Variants in PTPRC observed in about 807,000 individuals in gnomAD.
PTPRC encodes the protein receptor-type tyrosine-protein phosphatase C.
PTPRC carries 44 observed loss-of-function variants against 155.9 expected under a neutral mutation model. The observed-to-expected ratio is 0.28, with a 90% CI of 0.22 to 0.36. The LOEUF (loss-of-function observed/expected upper bound fraction) is 0.36, where lower values mean the gene tolerates loss of function less well. Among genes scored for constraint, PTPRC ranks in the 10% least tolerant of loss-of-function variants. The pLI is 1.00. For missense variants in PTPRC, 1,401 were observed against 1,564.6 expected (o/e 0.90, Z 1.76); for synonymous variants, 525 against 533.1 (o/e 0.98, Z 0.21).
intron 6 of PTPRC, 52 bp downstream of exon 6, chr1:198,702,582 A>G (rs766440780): frequency 6.2e-7 from 1 of 1,601,604 alleles, no homozygotes; most frequent in Admixed American, 1.7e-5. Flanking sequence ...ATGAAATGGA[A>G]ACTCAAAACT....
At position 198,741,972 on chromosome 1, in the gene PTPRC, G is replaced by A; in HGVS notation, c.2507G>A (p.Arg836Lys). ...CCTCACTTGCTCCTCAAACTGAGAA[G>A]GAGAGTGAATGCCTTCAGCAATTTC... The part of the protein sequence containing the change: ...EDPHLLLKLR[R>K]RVNAFSNFFS... Residue 836 changes from arginine to lysine, a missense_variant, in exon 24 of 33, where the codon AGG (arginine) becomes AAG (lysine). By Grantham distance (26) the Arg-to-Lys change is conservative. This residue lies in a region of PTPRC where 134 missense variants were observed against 204.7 expected (regional missense o/e 0.65). Transcript: ENST00000442510. 1.9e-6 allele frequency: 3 copies of A among 1,612,092 alleles called. 1 individual carries two copies. The highest frequency in any genetic ancestry group is 2.2e-5 in the South Asian group (2 of 91,032).
intron 2 of PTPRC, among the ~76,000 whole-genome samples, chr1:198,670,048 G>A (rs1452741484): frequency 1.3e-5 from 2 of 152,158 alleles, no homozygotes; most frequent in Non-Finnish European, 2.9e-5. Context: ...AATGAAGCAT[G>A]TAAGTATTAC....
At chr1:198,733,490 G>T (rs1654489548) in intron 20 of PTPRC, among the ~76,000 whole-genome samples, 1 of 151,726 alleles carries the variant, frequency 6.6e-6, no homozygotes, top group African/African-American at 2.4e-5. Context: ...GAATTCTTGT[G>T]ACCCATGTTT....
intron 8 of PTPRC, among the ~76,000 whole-genome samples, chr1:198,705,487 C>T (rs1027179857): frequency 3.4e-5 from 5 of 145,584 alleles, no homozygotes; most frequent in Middle Eastern, 3.2e-3. Flanking sequence ...GTGGTACAAT[C>T]TCAGCTTACT....
intron 2 of PTPRC, among the ~76,000 whole-genome samples, chr1:198,688,621 C>T (rs1439863274): frequency 6.6e-6 from 1 of 152,176 alleles, no homozygotes; most frequent in Non-Finnish European, 1.5e-5. Flanking sequence ...ATTCACTCAG[C>T]ACATTGTGAT....
chr1:198,756,187 G>GAC lies in PTPRC; in HGVS notation c.*8_*9dup, dbSNP rs1558043705. On this transcript the variant is annotated 3_prime_UTR_variant, in exon 33 of 33. Transcript: ENST00000442510. Reference sequence around the variant, plus strand: ...CTTTAAATCAAGGTTCATAGGAAAAGACATAAATGAGGAAACTCCAAACCT... The same window carrying GAC: ...CTTTAAATCAAGGTTCATAGGAAAAGACACATAAATGAGGAAACTCCAAACCT... 6.2e-7 allele frequency: 1 copy of GAC among 1,612,796 alleles called. No homozygotes were observed. Among genetic ancestry groups the GAC allele is most frequent in the South Asian group, 1.1e-5 (1 of 91,064 alleles).
At chr1:198,662,966 A>C (rs1664065670) in intron 2 of PTPRC, among the ~76,000 whole-genome samples, 1 of 152,094 alleles carries the variant, frequency 6.6e-6, no homozygotes, top group African/African-American at 2.4e-5. Context: ...CACATGTGGG[A>C]GGGAGGAGCT....
intron 13 of PTPRC, 95 bp from the exon 14 acceptor site, chr1:198,717,995 TAACA>T (rs1653678543): frequency 9.8e-7 from 1 of 1,015,528 alleles, no homozygotes; most frequent in South Asian, 1.4e-5. Context: ...ACCCCCAAGC[TAACA>T]CTTAAAATAC....
intron 13 of PTPRC, among the ~76,000 whole-genome samples, 200 bp downstream of exon 13, chr1:198,717,040 A>G (rs1653627219): frequency 6.6e-6 from 1 of 152,224 alleles, no homozygotes; most frequent in African/African-American, 2.4e-5. Flanking sequence ...AGATATAGTC[A>G]TAGAATTTTA....
chr1:198,714,279 T>A lies in PTPRC; in HGVS notation c.1291+1207T>A, dbSNP rs1653456689. ...ACACTCTCTCTACTAGAGAGTATTG[T>A]CGATGTCAGAGTATATGGTAGACAT... On this transcript the variant is annotated intron_variant, in intron 12 of 32. Transcript: ENST00000442510. Among the ~76,000 whole-genome samples, 3 of 152,180 alleles carry A rather than the reference T, an allele frequency of 2.0e-5. No homozygotes were observed. In the South Asian group the frequency reaches 6.2e-4, roughly 32 times the overall value.
intron 12 of PTPRC, among the ~76,000 whole-genome samples, chr1:198,715,171 G>A (rs748828264): frequency 3.3e-5 from 5 of 152,142 alleles, no homozygotes; most frequent in Non-Finnish European, 5.9e-5. Context: ...CGCCCAGGCT[G>A]GAGTGCAGTC....
rs1268528022 is a variant in PTPRC at position 198,749,481 on chromosome 1, G to A, written c.3004G>A (p.Asp1002Asn). 3 of 1,609,882 alleles carry A rather than the reference G, an allele frequency of 1.9e-6. No individual in the cohort carries two copies. The highest frequency in any genetic ancestry group is 2.2e-5 in the South Asian group (2 of 90,998). The part of the protein sequence containing the change: ...EMSKESEHDS[D>N]ESSDDDSDSE... ...GAGTAAAGAGAGTGAGCATGATTCA[G>A]ATGAATCCTCTGATGATGACAGTGA... is the stretch of plus-strand genomic sequence containing the variant. The change falls in exon 28 of 33, where the codon GAT (aspartate) becomes AAT (asparagine). Residue 1002 changes from aspartate to asparagine, a missense_variant. Coordinates refer to ENST00000442510, the MANE Select transcript of PTPRC (RefSeq NM_002838.5).
At position 198,670,645 on chromosome 1, in the gene PTPRC, AT is replaced by A. The variant is rs1664590797; in HGVS notation, c.74-21701del. Among the ~76,000 whole-genome samples, 3 of 152,232 alleles carry A rather than the reference AT, an allele frequency of 2.0e-5. 1 individual carries two copies. The highest frequency in any genetic ancestry group is 4.4e-5 in the Non-Finnish European group (3 of 67,994). ...GCAGTGCAGTTAGCAGATAAAAAAA[AT>A]ACCCACTTTTCTTTACAAGTCTCTA... On this transcript the variant is annotated intron_variant, in intron 2 of 32. Coordinates refer to ENST00000442510, the MANE Select transcript of PTPRC (RefSeq NM_002838.5).
chr1:198,729,069 T>A, intron 16 of PTPRC, 68 bp from the exon 17 acceptor site: 1 of 1,539,782 alleles, frequency 6.5e-7, no homozygotes, highest in Admixed American at 1.7e-5. Context: ...TCATTAAATA[T>A]AAGTAAAATA....
Position 198,663,113 on chromosome 1 carries a change from A to G in PTPRC, c.73+23772A>G, listed in dbSNP as rs180783974. 3.3e-5 allele frequency among the ~76,000 whole-genome samples: 5 copies of G among 152,304 alleles called. No homozygotes were observed. In the East Asian group the frequency reaches 9.7e-4, roughly 29 times the overall value. ...CGAGTCTATGATTACCCACTGATGA[A>G]TAAAGACAATCTCCCTGCACAATTG... On this transcript the variant is annotated intron_variant, in intron 2 of 32. Transcript: ENST00000442510.
At chr1:198,715,441 G>C (rs1324124439) in intron 12 of PTPRC, among the ~76,000 whole-genome samples, 2 of 151,822 alleles carry the variant, frequency 1.3e-5, no homozygotes, top group Non-Finnish European at 2.9e-5. Flanking sequence ...ATATTTTGGA[G>C]AACTGCAGTT....
At position 198,696,884 on chromosome 1, in the gene PTPRC, T is replaced by A. The variant is rs1212958184; in HGVS notation, c.273T>A (p.Asp91Glu). 1 of 1,614,038 alleles carries A rather than the reference T, an allele frequency of 6.2e-7. No homozygotes were observed. The highest frequency in any genetic ancestry group is 1.7e-5 in the Admixed American group (1 of 60,020). ...CCCAAGTATCCCCGGACTCTTTGGA[T>A]AATGCTAGTGCTTTTAATACCACAG... ...TSTQVSPDSL[D>E]NASAFNTTGV... The change falls in exon 4 of 33, where the codon GAT becomes GAA. Residue 91 changes from aspartate (D) to glutamate (E), a missense_variant. Asp to Glu is a conservative substitution (Grantham distance 45). This residue lies in a region of PTPRC where 867 missense variants were observed against 970.4 expected (regional missense o/e 0.89). Transcript: ENST00000442510.
chr1:198,641,217 C>T (rs930475278), intron 2 of PTPRC, among the ~76,000 whole-genome samples: 1 of 151,988 alleles, frequency 6.6e-6, no homozygotes, highest in Non-Finnish European at 1.5e-5. Flanking sequence ...TTTGTATCTG[C>T]AAATATTGTT....
intron 2 of PTPRC, among the ~76,000 whole-genome samples, chr1:198,659,953 C>T (rs754421109): frequency 6.4e-5 from 9 of 139,798 alleles, no homozygotes; most frequent in African/African-American, 2.7e-5. Context: ...TCATTGTCCA[C>T]GTATATGGAC....
Sources: allele counts gnomAD v4.1 joint callset (sites outside exome capture counted in the v4.1 genomes callset), GRCh38; gene constraint gnomAD v4.1.1; regional missense constraint gnomAD v4.1.1; transcripts MANE v1.5; gene names NCBI Gene and HGNC (gene_info 2026-07-23, HGNC 2026-07-21).